Variants in DYRK4 observed in about 807,000 individuals in gnomAD.
The protein encoded by DYRK4 is dual specificity tyrosine-phosphorylation-regulated kinase 4.
DYRK4 carries 64 observed loss-of-function variants against 68.3 expected under a neutral mutation model. That is an observed-to-expected ratio of 0.94 (90% CI 0.77 to 1.15). DYRK4 has a LOEUF of 1.15. DYRK4 is among the 50% of genes most tolerant of loss of function. The pLI, the probability that DYRK4 is intolerant of heterozygous loss-of-function variation, is 0.00. For missense variants in DYRK4, 740 were observed against 764.7 expected, an observed-to-expected ratio of 0.97 and a Z score of 0.38; for synonymous variants, 274 against 289.9, an observed-to-expected ratio of 0.95 and a Z score of 0.56.
At chr12:4,580,885 C>A (rs181888123) in intron 2 of DYRK4, 1 of 455,556 alleles carries the variant, frequency 2.2e-6, no homozygotes, top group African/African-American at 2.0e-5. Context: ...ATGACTGAGG[C>A]GGGATGGTGT....
At chr12:4,587,519 G>A (rs755842570) in intron 2 of DYRK4, among the ~76,000 whole-genome samples, 4 of 152,106 alleles carry the variant, frequency 2.6e-5, no homozygotes, top group South Asian at 2.1e-4. Flanking sequence ...TGTTATTGAC[G>A]ATGCTAATGA....
In DYRK4 at chr12:4,607,341, G is replaced by T; in HGVS notation, c.1314G>T (p.Pro438=). The T allele has an allele frequency of 1.2e-6, 2 of 1,614,188 alleles. No homozygotes were observed. Among genetic ancestry groups the T allele is most frequent in the South Asian group, 1.1e-5 (1 of 91,082 alleles). ...TCCTTATTAAGGTGCTGGGTCTGCC[G>T]CCAGCCGGCTTCATTCAGACAGCCT... is the stretch of plus-strand genomic sequence containing the variant. The part of the protein sequence containing the change: ...LACIMEVLGL[P]PAGFIQTASR... Residue 438 remains proline (P), a synonymous_variant, in exon 12 of 15, where the codon CCG becomes CCT. Transcript: ENST00000543431.
chr12:4,564,860 G>C (rs536363853), intron 1 of DYRK4, among the ~76,000 whole-genome samples: 46 of 152,224 alleles, frequency 3.0e-4, no homozygotes, highest in African/African-American at 1.0e-3. Context: ...GTCTCCAAAA[G>C]ACTAACAATC....
At chr12:4,612,954 A>G (rs1210851469) in intron 14 of DYRK4, 1 of 447,232 alleles carries the variant, frequency 2.2e-6, no homozygotes, top group African/African-American at 2.0e-5. Context: ...CTAGCCTGCC[A>G]TTTCTTACCT....
At chr12:4,585,634 G>C (rs946978998) in intron 2 of DYRK4, among the ~76,000 whole-genome samples, 4 of 152,112 alleles carry the variant, frequency 2.6e-5, no homozygotes, top group African/African-American at 9.7e-5. Context: ...GTTGTGGGGT[G>C]GGGGGAGCGG....
At chr12:4,573,991 C>T (rs550596225) in intron 2 of DYRK4, among the ~76,000 whole-genome samples, 3 of 152,004 alleles carry the variant, frequency 2.0e-5, no homozygotes, top group African/African-American at 4.8e-5. Flanking sequence ...TTTGGGAGGC[C>T]AAGGCGGGTG....
chr12:4,606,804 G>C (rs1184793465), intron 11 of DYRK4, among the ~76,000 whole-genome samples: 1 of 152,192 alleles, frequency 6.6e-6, no homozygotes, highest in Non-Finnish European at 1.5e-5. Flanking sequence ...CGAGCAGCAA[G>C]GGCAGGTGAC....
intron 10 of DYRK4, among the ~76,000 whole-genome samples, chr12:4,600,670 G>T (rs920149018): frequency 6.6e-6 from 1 of 151,330 alleles, no homozygotes; most frequent in Non-Finnish European, 1.5e-5. Flanking sequence ...AGACACAGAT[G>T]AAGAGATACA....
Position 4,591,464 on chromosome 12 carries a change from T to A in DYRK4, c.463+166T>A. The A allele has an allele frequency of 1.0e-6, 1 of 996,082 alleles. No homozygotes were observed. Among genetic ancestry groups the A allele is most frequent in the Non-Finnish European group, 1.4e-6 (1 of 700,812 alleles). The allele number at this position is 996,082 out of a possible 1,614,324, so 61.7% of individuals were successfully genotyped here. On this transcript the variant is annotated intron_variant, in intron 5 of 14. Transcript: ENST00000543431. This position sits in a 1 kb window ranked among gnomAD's most constrained non-coding sequence, Gnocchi z 4.1. ...TTAAGCGTTGAACCTCTGACTGTGG[T>A]AGTATAAGCAAGAGGCTGAATAGGA...
In DYRK4 at chr12:4,605,083, G is replaced by A; in HGVS notation, c.1296G>A (p.Met432Ile). ...ENEVEQLACI[M>I]EVLGLPPAGF... ...AGGTGGAGCAGCTGGCCTGCATCAT[G>A]GAGGTACGCGGAGGGCTGGCGGTCG... Residue 432 changes from methionine (M) to isoleucine (I), a missense_variant, in exon 11 of 15, where the codon ATG (methionine) becomes ATA (isoleucine). Met to Ile is a conservative substitution (Grantham distance 10). Around this residue, in one of 3 missense-constraint regions of DYRK4, gnomAD observed 614 missense variants for 603.7 expected, o/e 1.02. Transcript: ENST00000543431. 6.2e-7 allele frequency: 1 copy of A among 1,610,790 alleles called. No homozygotes were observed. Among genetic ancestry groups the A allele is most frequent in the Non-Finnish European group, 8.5e-7 (1 of 1,178,136 alleles).
At position 4,610,611 on chromosome 12, in the gene DYRK4, A is replaced by AT. The variant is rs919762367; in HGVS notation, c.1490+329dup. On this transcript the variant is annotated intron_variant, in intron 13 of 14. Transcript: ENST00000543431. ...TGGCCTCAAACTGCCTGGCAGTGAG[A>AT]TTGTTTGCCAGTCCTAAATGTCTTC... 7.5e-5 allele frequency: 13 copies of AT among 172,294 alleles called. No homozygotes were observed. In the Admixed American group the frequency reaches 7.6e-4, roughly 10 times the overall value. 10.7% of individuals were successfully genotyped at this position (172,294 alleles called of 1,614,324 possible). A position where few individuals can be genotyped will look rare whatever the true frequency, so the allele number is the denominator to read the frequency against.
chr12:4,562,720 G>T (rs1186138344), intron 1 of DYRK4, among the ~76,000 whole-genome samples: 1 of 152,238 alleles, frequency 6.6e-6, no homozygotes, highest in African/African-American at 2.4e-5. Context: ...TCGCGTGGAT[G>T]AGGCTCTGGC....
intron 3 of DYRK4, among the ~76,000 whole-genome samples, chr12:4,589,578 T>C (rs1054182902): frequency 2.0e-5 from 3 of 152,270 alleles, no homozygotes; most frequent in African/African-American, 7.2e-5. Context: ...GAACATGTGA[T>C]ATTTCTCTTT....
chr12:4,589,867 C>G (rs1944933586), intron 3 of DYRK4, among the ~76,000 whole-genome samples: 1 of 152,130 alleles, frequency 6.6e-6, no homozygotes, highest in Non-Finnish European at 1.5e-5. Context: ...GAAATTGAAG[C>G]TTATGTTGCA....
At position 4,591,043 on chromosome 12, in the gene DYRK4, C is replaced by A; in HGVS notation, c.325-117C>A. 1 of 1,243,374 alleles carries A rather than the reference C, an allele frequency of 8.0e-7. No individual in the cohort carries two copies. Among genetic ancestry groups the A allele is most frequent in the Non-Finnish European group, 1.1e-6 (1 of 898,654 alleles). 77.0% of individuals were successfully genotyped at this position (1,243,374 alleles called of 1,614,324 possible). A position where few individuals can be genotyped will look rare whatever the true frequency, so the allele number is the denominator to read the frequency against. ...CTGTCTCTTAATCGCTGTTTTCTCC[C>A]TGGAGAGGTAGGTAAAGAGCCTGGC... On this transcript the variant is annotated intron_variant, in intron 4 of 14. Coordinates refer to ENST00000543431, the MANE Select transcript of DYRK4 (RefSeq NM_001394779.1). This position sits in a 1 kb window ranked among gnomAD's most constrained non-coding sequence, Gnocchi z 4.1.
chr12:4,594,808 C>T (rs1009426470), intron 6 of DYRK4, among the ~76,000 whole-genome samples: 1 of 151,794 alleles, frequency 6.6e-6, no homozygotes, highest in Non-Finnish European at 1.5e-5. Flanking sequence ...AGTACACACA[C>T]AAATACATAC....
At chr12:4,579,888 G>A (rs370605683) in intron 2 of DYRK4, among the ~76,000 whole-genome samples, 17 of 152,296 alleles carry the variant, frequency 1.1e-4, no homozygotes, top group African/African-American at 4.1e-4. Flanking sequence ...AGAACACAAA[G>A]AGGTCAGAGG....
intron 2 of DYRK4, among the ~76,000 whole-genome samples, chr12:4,579,873 C>T (rs774798222): frequency 1.1e-4 from 16 of 151,710 alleles, no homozygotes; most frequent in Non-Finnish European, 1.9e-4. Context: ...ACCCGGTTTC[C>T]TGGCAGAACA....
At chr12:4,578,395 C>T (rs892457465) in intron 2 of DYRK4, among the ~76,000 whole-genome samples, 1 of 151,750 alleles carries the variant, frequency 6.6e-6, no homozygotes, top group South Asian at 2.1e-4. Context: ...GTTATTAAGC[C>T]CATTCATTTG....
Sources: gnomAD v4.1 joint callset for allele counts (sites outside exome capture counted in the v4.1 genomes callset) on GRCh38, gnomAD v4.1.1 for gene constraint, gnomAD v4.1.1 regional missense constraint, Gnocchi (gnomAD v3.1) non-coding constraint, MANE v1.5 for transcripts, NCBI Gene and HGNC (gene_info 2026-07-23, HGNC 2026-07-21) for gene names.